SH3GL2: variants seen among roughly 807,000 people sequenced by gnomAD.
The protein encoded by SH3GL2 is endophilin-A1.
In SH3GL2, 24 loss-of-function variants were observed where a neutral mutation model predicts 46.0. The ratio of observed to expected loss-of-function variants is 0.52; its 90% CI spans 0.38 to 0.73. The LOEUF (loss-of-function observed/expected upper bound fraction) is 0.73, where lower values mean the gene tolerates loss of function less well. Among genes scored for constraint, SH3GL2 ranks in the 30% least tolerant of loss-of-function variants. The pLI is 0.00. For missense variants in SH3GL2, 413 were observed against 424.2 expected, an observed-to-expected ratio of 0.97 and a Z score of 0.23; for synonymous variants, 196 against 147.1, an observed-to-expected ratio of 1.33 and a Z score of -2.40.
At chr9:17,768,155 A>C (rs1265053367) in intron 3 of SH3GL2, among the ~76,000 whole-genome samples, 1 of 152,050 alleles carries the variant, frequency 6.6e-6, no homozygotes, top group African/African-American at 2.4e-5. Flanking sequence ...GCGGATCACG[A>C]GATCAGGGGA....
At chr9:17,640,924 A>G (rs1441800254) in intron 1 of SH3GL2, among the ~76,000 whole-genome samples, 2 of 152,186 alleles carry the variant, frequency 1.3e-5, no homozygotes, top group Non-Finnish European at 2.9e-5. Flanking sequence ...ATTGATTTCT[A>G]GGGAAGAATG....
chr9:17,769,142 C>T (rs1823400780), intron 3 of SH3GL2, among the ~76,000 whole-genome samples: 1 of 152,128 alleles, frequency 6.6e-6, no homozygotes, highest in African/African-American at 2.4e-5. Flanking sequence ...AAACATCAGC[C>T]CTTCTAACTT....
At chr9:17,763,081 G>T (rs1823224119) in intron 3 of SH3GL2, among the ~76,000 whole-genome samples, 1 of 152,212 alleles carries the variant, frequency 6.6e-6, no homozygotes, top group South Asian at 2.1e-4. Context: ...TTTCAGTGCA[G>T]TGCTAGGTAT....
rs182381933 is a variant in SH3GL2 at position 17,650,164 on chromosome 9, G to A, written c.45+70877G>A. Among the ~76,000 whole-genome samples the A allele has an allele frequency of 3.8e-3, 579 of 152,222 alleles. 5 individuals are homozygous for A. The highest frequency in any genetic ancestry group is 0.016 in the South Asian group (78 of 4,814). ...ACATTCAGATTCTCAACTTAGTTAT[G>A]GAATAAAATATTGCACATGCTGTGT... On this transcript the variant is annotated intron_variant, in intron 1 of 8. Coordinates refer to ENST00000380607, the MANE Select transcript of SH3GL2 (RefSeq NM_003026.5).
intron 1 of SH3GL2, among the ~76,000 whole-genome samples, chr9:17,653,585 C>G (rs1820003555): frequency 6.6e-6 from 1 of 152,106 alleles, no homozygotes; most frequent in African/African-American, 2.4e-5. Context: ...TTACCTGCTT[C>G]TGTGGTTGGA....
chr9:17,772,347 C>T (rs1161531996), intron 3 of SH3GL2, among the ~76,000 whole-genome samples: 1 of 152,098 alleles, frequency 6.6e-6, no homozygotes, highest in African/African-American at 2.4e-5. Context: ...GTAAAACATG[C>T]ATAACATGAA....
intron 2 of SH3GL2, among the ~76,000 whole-genome samples, chr9:17,754,561 T>A (rs574763734): frequency 1.3e-5 from 2 of 152,174 alleles, no homozygotes; most frequent in East Asian, 3.9e-4. Context: ...TAGTCCCAGC[T>A]ACTCGGGAGG....
intron 2 of SH3GL2, among the ~76,000 whole-genome samples, chr9:17,760,535 A>G (rs1409569187): frequency 1.3e-5 from 2 of 152,108 alleles, no homozygotes; most frequent in African/African-American, 2.4e-5. Flanking sequence ...GGTTATGGAA[A>G]AGTTTCTCAT....
intron 1 of SH3GL2, among the ~76,000 whole-genome samples, chr9:17,652,032 A>C (rs1588206871): frequency 1.3e-5 from 2 of 152,126 alleles, no homozygotes; most frequent in Non-Finnish European, 2.9e-5. Context: ...CTGAGTGATG[A>C]ATTGATTGAC....
At chr9:17,731,437 AAG>A (rs915448320) in intron 1 of SH3GL2, among the ~76,000 whole-genome samples, 1 of 149,070 alleles carries the variant, frequency 6.7e-6, no homozygotes, top group Non-Finnish European at 1.5e-5. Context: ...GAGAGAGAGA[AAG>A]AGAGAGAGAG....
Position 17,787,488 on chromosome 9 carries a change from A to T in SH3GL2, c.440A>T (p.His147Leu), listed in dbSNP as rs540476775. 1.2e-6 allele frequency: 2 copies of T among 1,613,026 alleles called. No homozygotes were observed. The highest frequency in any genetic ancestry group is 2.2e-5 in the South Asian group (2 of 91,066). The change falls in exon 5 of 9, where the codon CAT becomes CTT. Residue 147 changes from histidine (H) to leucine (L), a missense_variant. Physicochemically the swap from His to Leu is moderately conservative, Grantham distance 99. This residue lies in a region of SH3GL2 where 160 missense variants were observed against 192.3 expected (regional missense o/e 0.83). Coordinates refer to ENST00000380607, the MANE Select transcript of SH3GL2 (RefSeq NM_003026.5). Reference sequence around the variant, plus strand: ...TTCATTGACCCTCTTCAGAATCTTCATGACAAAGATCTTAGGGAAATTCAA... The same window carrying T: ...TTCATTGACCCTCTTCAGAATCTTCTTGACAAAGATCTTAGGGAAATTCAA... ...QNFIDPLQNL[H>L]DKDLREIQHH...
intron 7 of SH3GL2, 130 bp downstream of exon 7, chr9:17,791,464 C>A: frequency 1.5e-6 from 1 of 657,078 alleles, no homozygotes. Context: ...ACAGAGGCGC[C>A]TTGTGGATTG....
At chr9:17,692,795 A>C (rs1274258196) in intron 1 of SH3GL2, among the ~76,000 whole-genome samples, 4 of 152,134 alleles carry the variant, frequency 2.6e-5, no homozygotes, top group Non-Finnish European at 4.4e-5. Flanking sequence ...AGAGAGGTTT[A>C]ATTGGACTTA....
At chr9:17,620,239 A>G (rs1819106040) in intron 1 of SH3GL2, among the ~76,000 whole-genome samples, 1 of 152,202 alleles carries the variant, frequency 6.6e-6, no homozygotes, top group African/African-American at 2.4e-5. Context: ...GTATGTGATC[A>G]GTATATGCCT....
chr9:17,668,900 C>T (rs1410322911), intron 1 of SH3GL2, among the ~76,000 whole-genome samples: 4 of 152,144 alleles, frequency 2.6e-5, no homozygotes, highest in African/African-American at 9.7e-5. Flanking sequence ...TCAAGCAGTA[C>T]CCCTGCCTTG....
At chr9:17,697,088 A>G (rs575621080) in intron 1 of SH3GL2, among the ~76,000 whole-genome samples, 11 of 152,268 alleles carry the variant, frequency 7.2e-5, no homozygotes, top group African/African-American at 2.6e-4. Context: ...ACCACAGGGT[A>G]TTAGAGAGGC....
intron 1 of SH3GL2, among the ~76,000 whole-genome samples, chr9:17,656,345 G>A (rs1026260552): frequency 6.6e-6 from 1 of 151,722 alleles, no homozygotes. Context: ...TCATAAAATC[G>A]GTAGAGTAAC....
intron 1 of SH3GL2, among the ~76,000 whole-genome samples, chr9:17,641,056 G>T (rs924817957): frequency 1.3e-5 from 2 of 152,100 alleles, no homozygotes; most frequent in African/African-American, 4.8e-5. Context: ...GAAAAAAATT[G>T]TTTTTTACCT....
At chr9:17,635,305 A>G (rs1819517636) in intron 1 of SH3GL2, among the ~76,000 whole-genome samples, 1 of 152,194 alleles carries the variant, frequency 6.6e-6, no homozygotes, top group Non-Finnish European at 1.5e-5. Flanking sequence ...TGTCCCTGCA[A>G]AGGACATGGT....
Sources: gnomAD v4.1 joint callset for allele counts (sites outside exome capture counted in the v4.1 genomes callset) on GRCh38, gnomAD v4.1.1 for gene constraint, gnomAD v4.1.1 regional missense constraint, MANE v1.5 for transcripts, NCBI Gene and HGNC (gene_info 2026-07-23, HGNC 2026-07-21) for gene names.